PRDM4: variants seen among roughly 807,000 people sequenced by gnomAD.
The protein encoded by PRDM4 is PR/SET domain 4, also known as PR domain zinc finger protein 4.
PRDM4 carries 38 observed loss-of-function variants against 62.3 expected under a neutral mutation model. That is an observed-to-expected ratio of 0.61 (90% CI 0.47 to 0.80). The LOEUF (loss-of-function observed/expected upper bound fraction) is 0.80, where lower values mean the gene tolerates loss of function less well. PRDM4 is among the 30% of genes least tolerant of loss of function. The pLI, the probability that PRDM4 is intolerant of heterozygous loss-of-function variation, is 0.00. For missense variants in PRDM4, 858 were observed against 997.1 expected (o/e 0.86, Z 1.88); for synonymous variants, 339 against 348.2 (o/e 0.97, Z 0.30).
chr12:107,746,165 A>C (rs948822575), intron 6 of PRDM4, 110 bp downstream of exon 6: 2 of 1,319,896 alleles, frequency 1.5e-6, no homozygotes, highest in Non-Finnish European at 2.1e-6. Context: ...TTAAGCCATA[A>C]ATTGACTTTT....
At chr12:107,747,214 T>G (rs913447182) in intron 5 of PRDM4, among the ~76,000 whole-genome samples, 6 of 152,126 alleles carry the variant, frequency 3.9e-5, no homozygotes, top group Non-Finnish European at 8.8e-5. Context: ...GATCGTACAT[T>G]TAGGTATGAT....
intron 2 of PRDM4, among the ~76,000 whole-genome samples, chr12:107,760,170 T>C (rs973490599): frequency 6.6e-6 from 1 of 152,176 alleles, no homozygotes; most frequent in Admixed American, 6.5e-5. Context: ...GTCCCTGCCA[T>C]ACCAGCAAAA....
At chr12:107,740,893 C>T in intron 10 of PRDM4, 53 bp downstream of exon 10, 11 of 1,541,494 alleles carry the variant, frequency 7.1e-6, no homozygotes, top group South Asian at 1.2e-5. Context: ...CCTTTACTAC[C>T]GCATTTTCTA....
At chr12:107,745,206 G>A (rs1890657152) in intron 6 of PRDM4, among the ~76,000 whole-genome samples, 3 of 152,106 alleles carry the variant, frequency 2.0e-5, no homozygotes, top group Admixed American at 1.3e-4. Flanking sequence ...AGAAATATCA[G>A]GAATTCCTGA....
chr12:107,740,623 C>T (rs1374824625), intron 10 of PRDM4, among the ~76,000 whole-genome samples: 2 of 152,116 alleles, frequency 1.3e-5, no homozygotes, highest in African/African-American at 4.8e-5. Flanking sequence ...GAAACTGGCT[C>T]TGGCTGGTGA....
chr12:107,760,795 G>C, intron 1 of PRDM4, 24 bp from the exon 2 acceptor site: 1 of 429,968 alleles, frequency 2.3e-6, no homozygotes, highest in Admixed American at 4.4e-5. Flanking sequence ...GACAAGAGCG[G>C]TCACCAAAAC....
Position 107,743,846 on chromosome 12 carries a change from G to A in PRDM4, c.1396-564C>T, listed in dbSNP as rs188746699. Among the ~76,000 whole-genome samples, 7 of 152,316 alleles carry A rather than the reference G, an allele frequency of 4.6e-5. No homozygotes were observed. The East Asian group carries it at 1.3e-3, about 29-fold the overall frequency. On this transcript the variant is annotated intron_variant, in intron 7 of 11. Transcript: ENST00000228437. The stretch of plus-strand genomic sequence containing the variant: ...ACTAGAAAAATAGGCCAGGTGCGGT[G>A]GCTCACACCTGTAATCCCGGCACTT...
At chr12:107,757,577 C>T (rs1043272635) in intron 2 of PRDM4, among the ~76,000 whole-genome samples, 2 of 152,168 alleles carry the variant, frequency 1.3e-5, no homozygotes, top group African/African-American at 4.8e-5. Flanking sequence ...TTCAAATCCT[C>T]ACACCAATAC....
At chr12:107,746,846 G>A (rs1383963468) in intron 5 of PRDM4, among the ~76,000 whole-genome samples, 1 of 152,144 alleles carries the variant, frequency 6.6e-6, no homozygotes, top group Non-Finnish European at 1.5e-5. Context: ...GGTTCTAATA[G>A]AGATATTCTT....
intron 3 of PRDM4, among the ~76,000 whole-genome samples, chr12:107,755,721 G>C (rs1054338689): frequency 3.9e-5 from 6 of 152,110 alleles, no homozygotes; most frequent in Admixed American, 3.3e-4. Context: ...ATAATCAATA[G>C]AATATTTATT....
intron 5 of PRDM4, among the ~76,000 whole-genome samples, chr12:107,747,795 GTCTTT>G (rs1890759802): frequency 2.0e-5 from 3 of 151,710 alleles, no homozygotes; most frequent in South Asian, 4.1e-4. Context: ...TCATCTATCT[GTCTTT>G]TCTTTTTTTT....
intron 2 of PRDM4, among the ~76,000 whole-genome samples, chr12:107,759,402 A>G (rs979149041): frequency 6.6e-6 from 1 of 152,252 alleles, no homozygotes. Flanking sequence ...CAATCACTAC[A>G]GCTGTAACAG....
chr12:107,749,273 TAC>T (rs1165686828), intron 5 of PRDM4, among the ~76,000 whole-genome samples: 1 of 152,176 alleles, frequency 6.6e-6, no homozygotes, highest in African/African-American at 2.4e-5. Flanking sequence ...CTGGGTGTCT[TAC>T]AGACACTGAA....
intron 2 of PRDM4, among the ~76,000 whole-genome samples, chr12:107,758,712 G>A (rs1039077037): frequency 1.3e-5 from 2 of 152,164 alleles, no homozygotes; most frequent in South Asian, 2.1e-4. Flanking sequence ...TATATTTAAA[G>A]TTCCACATAG....
At chr12:107,755,850 C>T (rs1296341572) in intron 3 of PRDM4, among the ~76,000 whole-genome samples, 2 of 152,100 alleles carry the variant, frequency 1.3e-5, no homozygotes, top group Admixed American at 6.5e-5. Context: ...TCTGGGAGGC[C>T]GAGGAGGGCG....
chr12:107,756,122 T>C (rs1324292165), intron 3 of PRDM4, among the ~76,000 whole-genome samples: 1 of 150,992 alleles, frequency 6.6e-6, no homozygotes, highest in Non-Finnish European at 1.5e-5. Flanking sequence ...GAGCCAGGTG[T>C]AGGGGTGCAT....
intron 5 of PRDM4, among the ~76,000 whole-genome samples, chr12:107,750,470 G>C (rs1890853138): frequency 6.6e-6 from 1 of 152,118 alleles, no homozygotes; most frequent in Admixed American, 6.5e-5. Context: ...CTTGAGCCCA[G>C]GAGGTCGAGG....
rs183756989 is a variant in PRDM4 at position 107,750,436 on chromosome 12, C to T, written c.1126+979G>A. Among the ~76,000 whole-genome samples, 10 of 152,136 alleles carry T rather than the reference C, an allele frequency of 6.6e-5. No homozygotes were observed. The South Asian group carries it at 1.7e-3, about 25-fold the overall frequency. On this transcript the variant is annotated intron_variant, in intron 5 of 11. Coordinates refer to ENST00000228437, the MANE Select transcript of PRDM4 (RefSeq NM_012406.4). ...GTACACACTTGGGGTCCCAGTTGCT[C>T]GGGAGGCTAAAGTGGGAGGATCACT...
At chr12:107,760,450 A>T in intron 2 of PRDM4, 55 bp downstream of exon 2, 2 of 1,608,228 alleles carry the variant, frequency 1.2e-6, no homozygotes, top group Non-Finnish European at 1.7e-6. Flanking sequence ...CTGGACACTC[A>T]CTCGCCAGAG....
Sources: allele counts gnomAD v4.1 joint callset (sites outside exome capture counted in the v4.1 genomes callset), GRCh38; gene constraint gnomAD v4.1.1; transcripts MANE v1.5; gene names NCBI Gene and HGNC (gene_info 2026-07-23, HGNC 2026-07-21).